The following COL5A2 variants were observed in gnomAD, a reference collection of about 807,000 sequenced individuals.
COL5A2 encodes collagen alpha-2(V) chain.
In COL5A2, 23 loss-of-function variants were observed where a neutral mutation model predicts 208.2. The observed-to-expected ratio is 0.11, with a 90% CI of 0.08 to 0.16. The LOEUF is 0.16. Ranked by LOEUF, COL5A2 falls within the 10% of genes least tolerant of loss-of-function variation. The pLI is 1.00. For synonymous variants in COL5A2, 625 were observed against 628.5 expected, an observed-to-expected ratio of 0.99 and a Z score of 0.08; for missense variants, 1,590 against 1,956.4, an observed-to-expected ratio of 0.81 and a Z score of 3.53.
At chr2:189,130,494 T>C (rs1000322139) in intron 1 of COL5A2, among the ~76,000 whole-genome samples, 17 of 152,058 alleles carry the variant, frequency 1.1e-4, no homozygotes, top group Non-Finnish European at 2.1e-4. Context: ...TACTCTCCAC[T>C]GAAGCAGGGT....
In COL5A2 at chr2:189,065,122, T is replaced by C. The variant is rs372733656; in HGVS notation, c.1564-65A>G. 40 of 1,436,914 alleles carry C rather than the reference T, an allele frequency of 2.8e-5. No homozygotes were observed. In the African/African-American group the frequency reaches 5.2e-4, roughly 19 times the overall value. 89.0% of individuals were successfully genotyped at this position (1,436,914 alleles called of 1,614,324 possible). On this transcript the variant is annotated intron_variant, in intron 23 of 53. Transcript: ENST00000374866. ...ATTTTTGCAATATGTAATGAATAGG[T>C]GATTTTTATTTTTAGCACTATAAAG... is the stretch of plus-strand genomic sequence containing the variant.
intron 1 of COL5A2, among the ~76,000 whole-genome samples, chr2:189,119,252 G>A (rs1258675198): frequency 6.6e-6 from 1 of 152,064 alleles, no homozygotes; most frequent in Non-Finnish European, 1.5e-5. Flanking sequence ...AACAGACAAG[G>A]AGGATGAAGA....
chr2:189,427,882 A>G, the COL5A2 span, among the ~76,000 whole-genome samples: 1 of 152,212 alleles, frequency 6.6e-6, no homozygotes, highest in Non-Finnish European at 1.5e-5. Flanking sequence ...TCAGACTTGC[A>G]TGGGGCCTGT....
the COL5A2 span, among the ~76,000 whole-genome samples, chr2:189,254,367 A>G: frequency 6.6e-6 from 1 of 152,212 alleles, no homozygotes; most frequent in South Asian, 2.1e-4. Context: ...AAGGGTGTAA[A>G]TATTGGTTGG....
At position 189,046,050 on chromosome 2, in the gene COL5A2, A is replaced by T; in HGVS notation, c.3202-143T>A. 3 of 495,540 alleles carry T rather than the reference A, an allele frequency of 6.1e-6. No individual in the cohort carries two copies. In the South Asian group the frequency reaches 9.5e-5, roughly 16 times the overall value. 30.7% of individuals were successfully genotyped at this position (495,540 alleles called of 1,614,324 possible). ...TTTTACTTATTATTTTAACTATTTT[A>T]CTTATATTTATTAATTAATAAATCA... On this transcript the variant is annotated intron_variant, in intron 45 of 53. Transcript: ENST00000374866.
the COL5A2 span, among the ~76,000 whole-genome samples, chr2:189,345,875 A>G: frequency 1.3e-5 from 2 of 152,192 alleles, no homozygotes; most frequent in African/African-American, 4.8e-5. Context: ...ACATTAATAC[A>G]TTGACCTAAG....
At chr2:189,349,017 G>A in the COL5A2 span, among the ~76,000 whole-genome samples, 1 of 152,088 alleles carries the variant, frequency 6.6e-6, no homozygotes, top group Non-Finnish European at 1.5e-5. Flanking sequence ...TTTCAAAGCT[G>A]TATAACATAG....
chr2:189,092,463 T>C (rs1380029038), intron 6 of COL5A2, 43 bp from the exon 7 acceptor site: 2 of 1,182,602 alleles, frequency 1.7e-6, no homozygotes, highest in Non-Finnish European at 2.5e-6. Flanking sequence ...CTGCCAAATA[T>C]ACACTTAGTA....
chr2:189,077,674 T>C (rs1382488696), intron 16 of COL5A2, among the ~76,000 whole-genome samples: 2 of 152,190 alleles, frequency 1.3e-5, no homozygotes, highest in African/African-American at 4.8e-5. Flanking sequence ...CTTACTAAAG[T>C]GATAAAGAAT....
the COL5A2 span, among the ~76,000 whole-genome samples, chr2:189,381,458 G>A: frequency 6.6e-6 from 1 of 151,926 alleles, no homozygotes; most frequent in Non-Finnish European, 1.5e-5. Flanking sequence ...GCAATGTCTG[G>A]AAAGATGTTC....
Position 189,129,902 on chromosome 2 carries a change from T to C in COL5A2, c.98-19453A>G, listed in dbSNP as rs117669914. Among the ~76,000 whole-genome samples the C allele has an allele frequency of 6.6e-4, 100 of 152,186 alleles. No homozygotes were observed. In the East Asian group the frequency reaches 0.017, roughly 26 times the overall value. On this transcript the variant is annotated intron_variant, in intron 1 of 53. Coordinates refer to ENST00000374866, the MANE Select transcript of COL5A2 (RefSeq NM_000393.5). ...TTCTGCCTGCAGCAGTTATAAATTA[T>C]ATGAGCATATGTGACCTTGAAGCAA...
the COL5A2 span, among the ~76,000 whole-genome samples, chr2:189,297,450 C>A: frequency 6.6e-6 from 1 of 152,074 alleles, no homozygotes; most frequent in Non-Finnish European, 1.5e-5. Context: ...CAAAATATCT[C>A]ATGTATCCCA....
the COL5A2 span, among the ~76,000 whole-genome samples, chr2:189,265,613 T>A: frequency 6.6e-6 from 1 of 152,216 alleles, no homozygotes; most frequent in Non-Finnish European, 1.5e-5. Flanking sequence ...TACCTGGGGT[T>A]AAGACTTCAA....
chr2:189,093,459 G>A (rs1289750478), intron 6 of COL5A2, among the ~76,000 whole-genome samples: 1 of 152,194 alleles, frequency 6.6e-6, no homozygotes, highest in Non-Finnish European at 1.5e-5. Flanking sequence ...TGATAGTGCA[G>A]AGGGAGCAAA....
At chr2:189,222,424 T>G (rs555451277) in intron 1 of COL5A2, among the ~76,000 whole-genome samples, 1 of 152,264 alleles carries the variant, frequency 6.6e-6, no homozygotes, top group South Asian at 2.1e-4. Context: ...ATTTAATGAA[T>G]AAATATGTTA....
In COL5A2 at chr2:189,083,842, A is replaced by G. The variant is rs1686592291; in HGVS notation, c.852+142T>C. 8 of 691,080 alleles carry G rather than the reference A, an allele frequency of 1.2e-5. No individual in the cohort carries two copies. In the Admixed American group the frequency reaches 1.3e-4, roughly 12 times the overall value. 42.8% of individuals were successfully genotyped at this position (691,080 alleles called of 1,614,324 possible). ...AATCACTCTGGCAAAACGTCCTGTG[A>G]CATTTTACATTTTTACGGAAACAAA... On this transcript the variant is annotated intron_variant, in intron 12 of 53. Coordinates refer to ENST00000374866, the MANE Select transcript of COL5A2 (RefSeq NM_000393.5).
intron 12 of COL5A2, among the ~76,000 whole-genome samples, chr2:189,083,239 C>T (rs56044677): frequency 0.14 from 21,577 of 151,986 alleles, 1,517 homozygotes; most frequent in Middle Eastern, 0.19. Flanking sequence ...CCATGGCCAG[C>T]GTAACACATT....
intron 2 of COL5A2, among the ~76,000 whole-genome samples, chr2:189,108,458 G>T (rs1687195211): frequency 6.6e-6 from 1 of 151,826 alleles, no homozygotes; most frequent in Non-Finnish European, 1.5e-5. Context: ...GGATACTGTG[G>T]AGAAATTTGT....
intron 1 of COL5A2, among the ~76,000 whole-genome samples, chr2:189,166,843 T>C (rs1688473975): frequency 1.3e-5 from 2 of 152,244 alleles, no homozygotes; most frequent in Admixed American, 1.3e-4. Flanking sequence ...TCATTAAATC[T>C]GTGTCCTAGG....
Sources: gnomAD v4.1 joint callset for allele counts (sites outside exome capture counted in the v4.1 genomes callset) on GRCh38, gnomAD v4.1.1 for gene constraint, MANE v1.5 for transcripts, NCBI Gene and HGNC (gene_info 2026-07-23, HGNC 2026-07-21) for gene names.